The following ARID5B variants were observed in gnomAD, a reference collection of about 807,000 sequenced individuals.
The protein encoded by ARID5B is AT-rich interactive domain-containing protein 5B.
A neutral mutation model predicts 97.2 loss-of-function variants in ARID5B; 13 were observed. That is an observed-to-expected ratio of 0.13 (90% CI 0.09 to 0.21). The LOEUF is 0.21. Among genes scored for constraint, ARID5B ranks in the 10% least tolerant of loss-of-function variants. The pLI, the probability that ARID5B is intolerant of heterozygous loss-of-function variation, is 1.00. For synonymous variants in ARID5B, 556 were observed against 570.3 expected (o/e 0.97, Z 0.36); for missense variants, 1,210 against 1,465.3 (o/e 0.83, Z 2.84).
chr10:61,904,463 T>A lies in ARID5B; in HGVS notation c.276+2050T>A, dbSNP rs139686192. On this transcript the variant is annotated intron_variant, in intron 2 of 9. Transcript: ENST00000279873. The stretch of plus-strand genomic sequence containing the variant: ...ATAGATATATTTTTAAATACACGAT[T>A]TCTTTTTAATTGTTCATTATGGGGA... Among the ~76,000 whole-genome samples, 39 of 152,344 alleles carry A rather than the reference T, an allele frequency of 2.6e-4. No homozygotes were observed. In the East Asian group the frequency reaches 7.5e-3, roughly 29 times the overall value.
intron 3 of ARID5B, among the ~76,000 whole-genome samples, chr10:61,963,356 C>G (rs1417152037): frequency 6.6e-6 from 1 of 152,092 alleles, no homozygotes; most frequent in African/African-American, 2.4e-5. Context: ...ATGCTTAGCC[C>G]TGGACTTTGT....
chr10:62,032,421 G>A (rs950269261), intron 4 of ARID5B, among the ~76,000 whole-genome samples: 7 of 152,150 alleles, frequency 4.6e-5, no homozygotes, highest in Admixed American at 1.3e-4. Context: ...GACATCTGAT[G>A]GCAGTTTAAT....
chr10:62,042,210 A>C (rs1010057040), intron 4 of ARID5B, among the ~76,000 whole-genome samples: 4 of 152,218 alleles, frequency 2.6e-5, no homozygotes, highest in Non-Finnish European at 5.9e-5. Context: ...AAAAAATGAA[A>C]ACAGGAGCTA....
chr10:62,022,984 A>G lies in ARID5B; in HGVS notation c.733+22663A>G, dbSNP rs111616512. On this transcript the variant is annotated intron_variant, in intron 4 of 9. Coordinates refer to ENST00000279873, the MANE Select transcript of ARID5B (RefSeq NM_032199.3). Reference sequence around the variant, plus strand: ...ACGAGTTTTGATAAGGTCTTTAGTCAATGCTGGAAACAAGTCAAAGAAACA... The same window carrying G: ...ACGAGTTTTGATAAGGTCTTTAGTCGATGCTGGAAACAAGTCAAAGAAACA... Among the ~76,000 whole-genome samples the G allele has an allele frequency of 9.8e-3, 1,493 of 152,320 alleles. 31 individuals are homozygous for G. Among genetic ancestry groups the G allele is most frequent in the African/African-American group, 0.034 (1,421 of 41,564 alleles).
chr10:61,912,314 C>A (rs1412319254), intron 2 of ARID5B, among the ~76,000 whole-genome samples: 1 of 152,024 alleles, frequency 6.6e-6, no homozygotes, highest in African/African-American at 2.4e-5. Flanking sequence ...AGATATTCAT[C>A]ATATATATGT....
At chr10:61,935,036 GA>G (rs1844274763) in intron 2 of ARID5B, among the ~76,000 whole-genome samples, 1 of 149,992 alleles carries the variant, frequency 6.7e-6, no homozygotes, top group South Asian at 2.1e-4. Flanking sequence ...AAAGATTACA[GA>G]TCAACATACT....
chr10:62,091,870 A>G lies in ARID5B; in HGVS notation c.2407A>G (p.Lys803Glu). Residue 803 changes from lysine (K) to glutamate (E), a missense_variant, in exon 10 of 10, where the codon AAG (lysine) becomes GAG (glutamate). This residue lies in a region of ARID5B where 800 missense variants were observed against 839.1 expected (regional missense o/e 0.95). Coordinates refer to ENST00000279873, the MANE Select transcript of ARID5B (RefSeq NM_032199.3). ...LNPLADSYVLKQEIQEGKDKL... is the reference protein window; with the variant it reads ...LNPLADSYVLEQEIQEGKDKL... The stretch of plus-strand genomic sequence containing the variant: ...CCCCCTTGCTGACTCCTACGTCCTG[A>G]AGCAAGAAATTCAGGAGGGCAAGGA... 2 of 1,614,114 alleles carry G rather than the reference A, an allele frequency of 1.2e-6. No homozygotes were observed. Among genetic ancestry groups the G allele is most frequent in the Non-Finnish European group, 1.7e-6 (2 of 1,180,010 alleles).
chr10:61,970,533 T>C (rs187511174), intron 3 of ARID5B, among the ~76,000 whole-genome samples: 347 of 152,280 alleles, frequency 2.3e-3, no homozygotes, highest in African/African-American at 8.2e-3. Context: ...AGAATTTACA[T>C]TGAAGGAAAA....
chr10:62,088,847 T>C (rs553059756), intron 9 of ARID5B, among the ~76,000 whole-genome samples: 1 of 152,318 alleles, frequency 6.6e-6, no homozygotes, highest in African/African-American at 2.4e-5. Flanking sequence ...TTCCCTCTAG[T>C]TGAATCCACT....
rs766172094 is a variant in ARID5B at position 62,092,518 on chromosome 10, T to C, written c.3055T>C (p.Leu1019=). The C allele has an allele frequency of 6.2e-7, 1 of 1,614,166 alleles. No individual in the cohort carries two copies. The highest frequency in any genetic ancestry group is 8.5e-7 in the Non-Finnish European group (1 of 1,180,024). Residue 1019 remains leucine (L), a synonymous_variant, in exon 10 of 10, where the codon TTG becomes CTG. Coordinates refer to ENST00000279873, the MANE Select transcript of ARID5B (RefSeq NM_032199.3). The part of the protein sequence containing the change: ...ARPIKRSLED[L]DLVIAGKKAR... ...GCCGATCAAGCGCAGCCTGGAGGAT[T>C]TGGACCTTGTGATTGCAGGGAAAAA...
At chr10:62,010,423 A>AG (rs1374017791) in intron 4 of ARID5B, among the ~76,000 whole-genome samples, 1 of 152,134 alleles carries the variant, frequency 6.6e-6, no homozygotes, top group African/African-American at 2.4e-5. Context: ...AAGCTCCTTG[A>AG]GGGGGTAAGA....
chr10:62,006,296 G>T (rs1199589240), intron 4 of ARID5B, among the ~76,000 whole-genome samples: 1 of 152,078 alleles, frequency 6.6e-6, no homozygotes, highest in Non-Finnish European at 1.5e-5. Flanking sequence ...ACAAAAATTA[G>T]CCAGGCGTGG....
chr10:62,015,943 C>A (rs1839279024), intron 4 of ARID5B, among the ~76,000 whole-genome samples: 1 of 152,200 alleles, frequency 6.6e-6, no homozygotes, highest in Non-Finnish European at 1.5e-5. Context: ...AATTTAAACA[C>A]TGTTATTCAC....
intron 2 of ARID5B, among the ~76,000 whole-genome samples, chr10:61,911,157 A>C (rs1843797361): frequency 1.3e-5 from 2 of 152,226 alleles, no homozygotes. Flanking sequence ...TTTGCTTTCT[A>C]CACCCTCAAG....
intron 2 of ARID5B, among the ~76,000 whole-genome samples, chr10:61,913,198 C>G (rs1318171608): frequency 6.6e-6 from 1 of 152,170 alleles, no homozygotes; most frequent in Admixed American, 6.5e-5. Context: ...AGACCTTTTC[C>G]TGGCTGGAAC....
chr10:61,948,220 C>G (rs999716284), intron 3 of ARID5B, among the ~76,000 whole-genome samples: 1 of 152,028 alleles, frequency 6.6e-6, no homozygotes, highest in Non-Finnish European at 1.5e-5. Context: ...TTCTGAAACT[C>G]TTTATAGAAT....
At chr10:61,929,735 A>G (rs1023184003) in intron 2 of ARID5B, among the ~76,000 whole-genome samples, 1 of 152,200 alleles carries the variant, frequency 6.6e-6, no homozygotes, top group Non-Finnish European at 1.5e-5. Flanking sequence ...TCCGGGAAGG[A>G]CATCACTAAT....
intron 2 of ARID5B, among the ~76,000 whole-genome samples, chr10:61,910,919 G>A (rs1843792880): frequency 6.6e-6 from 1 of 152,166 alleles, no homozygotes; most frequent in Non-Finnish European, 1.5e-5. Flanking sequence ...ATGACCATCA[G>A]GTTCACAGTC....
At chr10:62,015,618 TTTG>T (rs1300884528) in intron 4 of ARID5B, among the ~76,000 whole-genome samples, 2 of 152,006 alleles carry the variant, frequency 1.3e-5, no homozygotes, top group African/African-American at 2.4e-5. Flanking sequence ...TGTGAGGTTT[TTTG>T]TTGTTGTTGT....
Sources: gnomAD v4.1 joint callset for allele counts (sites outside exome capture counted in the v4.1 genomes callset) on GRCh38, gnomAD v4.1.1 for gene constraint, gnomAD v4.1.1 regional missense constraint, MANE v1.5 for transcripts, NCBI Gene and HGNC (gene_info 2026-07-23, HGNC 2026-07-21) for gene names.